MXRA7: variants seen among roughly 807,000 people sequenced by gnomAD.
MXRA7 encodes the protein matrix-remodeling-associated protein 7.
MXRA7 carries 18 observed loss-of-function variants against 17.4 expected under a neutral mutation model. That is an observed-to-expected ratio of 1.03 (90% confidence interval 0.71 to 1.53). MXRA7 has a LOEUF of 1.53. MXRA7 is among the 40% of genes most tolerant of loss of function. The pLI is 0.00. For missense variants in MXRA7, 141 were observed against 209.3 expected, an observed-to-expected ratio of 0.67 and a Z score of 2.01; for synonymous variants, 70 against 101.7, an observed-to-expected ratio of 0.69 and a Z score of 1.87.
At chr17:76,692,801 T>G (rs898118558) in intron 1 of MXRA7, among the ~76,000 whole-genome samples, 1 of 152,170 alleles carries the variant, frequency 6.6e-6, no homozygotes, top group African/African-American at 2.4e-5. Flanking sequence ...CCCCCTCTAG[T>G]GCTATACATG....
chr17:76,690,414 A>C (rs1388563369), intron 1 of MXRA7, among the ~76,000 whole-genome samples: 4 of 151,974 alleles, frequency 2.6e-5, no homozygotes, highest in African/African-American at 9.7e-5. Context: ...CTAAAAAAGA[A>C]AAAAAAAGTA....
At chr17:76,708,338 C>T (rs2076684206) in intron 1 of MXRA7, among the ~76,000 whole-genome samples, 1 of 152,180 alleles carries the variant, frequency 6.6e-6, no homozygotes, top group Admixed American at 6.5e-5. Context: ...ACACGCTGCT[C>T]CCCAGGGCAG....
At chr17:76,676,311 T>G (rs1260145427), downstream of MXRA7, 2 of 152,256 alleles carry the variant, frequency 1.3e-5, no homozygotes, top group African/African-American at 4.8e-5. Flanking sequence ...ATAGTTCTAA[T>G]TAAATACAAT....
chr17:76,698,111 C>T (rs1375007704), intron 1 of MXRA7, among the ~76,000 whole-genome samples: 1 of 152,186 alleles, frequency 6.6e-6, no homozygotes, highest in Admixed American at 6.5e-5. Context: ...ATCCCACTGG[C>T]TAATCCAGAA....
downstream of MXRA7, among the ~76,000 whole-genome samples, chr17:76,678,676 C>T (rs1436183598): frequency 3.3e-5 from 5 of 152,178 alleles, no homozygotes; most frequent in East Asian, 1.9e-4. Flanking sequence ...GCAGCTGGGT[C>T]GGCTGTAAGC....
rs921957894 is a variant in MXRA7, at chr17:76,681,908, C to T, written c.501-1029G>A. 2.3e-4 allele frequency among the ~76,000 whole-genome samples: 35 copies of T among 152,222 alleles called. No individual in the cohort carries two copies. The highest frequency in any genetic ancestry group is 1.5e-4 in the Non-Finnish European group (10 of 68,040). On this transcript the variant is annotated intron_variant, in intron 3 of 3. Transcript: ENST00000449428. This position sits in a 1 kb window ranked among gnomAD's most constrained non-coding sequence, Gnocchi z 4.7. ...ACTGTGAAACTGGAGGTGGCACTTCCCACAGCAGCTTCAGCGGAACCCAGG... is the reference window on the plus strand; with the variant it reads ...ACTGTGAAACTGGAGGTGGCACTTCTCACAGCAGCTTCAGCGGAACCCAGG...
rs564661133 is a variant in MXRA7 at position 76,688,329 on chromosome 17, G to C, written c.343-153C>G. On this transcript the variant is annotated intron_variant, in intron 1 of 3. Coordinates refer to ENST00000449428, the MANE Select transcript of MXRA7 (RefSeq NM_198530.4). ...CCTGCCCTGTGGTCATGGTCAACCA[G>C]CAGGTGGGGGCTGTGTACAAACGAT... 16 of 1,458,356 alleles carry C rather than the reference G, an allele frequency of 1.1e-5. No homozygotes were observed. The African/African-American group carries it at 2.1e-4, about 19-fold the overall frequency. 90.3% of individuals were successfully genotyped at this position (1,458,356 alleles called of 1,614,324 possible).
intron 1 of MXRA7, chr17:76,688,781 G>A: frequency 1.2e-6 from 1 of 813,680 alleles, no homozygotes; most frequent in Non-Finnish European, 1.7e-6. Flanking sequence ...AGGAATGTCA[G>A]AGGATGAGAG....
In MXRA7 at chr17:76,685,097, T is replaced by C. The variant is rs1567978725; in HGVS notation, c.475A>G (p.Lys159Glu). 1.9e-6 allele frequency: 3 copies of C among 1,613,940 alleles called. No homozygotes were observed. The highest frequency in any genetic ancestry group is 1.3e-5 in the African/African-American group (1 of 74,916). Reference protein sequence around the residue: ...RGNQYKKMMTKEELEEEQRTE... With the variant: ...RGNQYKKMMTEEELEEEQRTE... ...CTCTGCTCCTCCTCCAGCTCCTCTT[T>C]GGTCATCATCTTCTTGTACTGGTTT... Residue 159 changes from lysine (K) to glutamate (E), a missense_variant, in exon 3 of 4, where the codon AAA becomes GAA. By Grantham distance (56) the Lys-to-Glu change is moderately conservative (BLOSUM62 1). Transcript: ENST00000449428.
At chr17:76,704,974 C>A (rs770821723) in intron 1 of MXRA7, among the ~76,000 whole-genome samples, 8 of 152,124 alleles carry the variant, frequency 5.3e-5, no homozygotes, top group African/African-American at 1.7e-4. Context: ...CTCTGGAAGA[C>A]GGTTTACCAG....
In MXRA7 at chr17:76,681,724, A is replaced by C. The variant is rs560444726; in HGVS notation, c.501-845T>G. 6.6e-6 allele frequency among the ~76,000 whole-genome samples: 1 copy of C among 152,344 alleles called. No individual in the cohort carries two copies. The highest frequency in any genetic ancestry group is 1.5e-5 in the Non-Finnish European group (1 of 68,034). On this transcript the variant is annotated intron_variant, in intron 3 of 3. Transcript: ENST00000449428. The surrounding 1 kb of genome is among the most constrained non-coding windows in gnomAD (Gnocchi z 4.7). ...TTCCCTCTGAGACCACAAGGTGGGA[A>C]GAAGTGATGGAGAGGAGCTGACAGC...
Position 76,692,251 on chromosome 17 carries a change from G to T in MXRA7, c.343-4075C>A, listed in dbSNP as rs1168887878. 2.0e-5 allele frequency among the ~76,000 whole-genome samples: 3 copies of T among 150,616 alleles called. No homozygotes were observed. The East Asian group carries it at 5.8e-4, about 29-fold the overall frequency. ...AAATTGTACTTGACTTTGGAAGTCT[G>T]ATTTTTTCTTTTTTTTTTTTTGAGA... On this transcript the variant is annotated intron_variant, in intron 1 of 3. Coordinates refer to ENST00000449428, the MANE Select transcript of MXRA7 (RefSeq NM_198530.4).
chr17:76,684,802 G>A (rs2076364002), intron 3 of MXRA7: 1 of 506,422 alleles, frequency 2.0e-6, no homozygotes, highest in Non-Finnish European at 3.6e-6. Context: ...GGGGGTGGGG[G>A]GGTGCAGTAA....
At chr17:76,673,596 C>G (rs995015127) in exon 4 of MXRA7, 1 of 152,156 alleles carries the variant, frequency 6.6e-6, no homozygotes, top group Non-Finnish European at 1.5e-5. Context: ...CTTGGGCTTT[C>G]TATCAGGCTC....
downstream of MXRA7, chr17:76,677,470 G>A (rs2076249612): frequency 4.4e-6 from 3 of 675,634 alleles, no homozygotes; most frequent in South Asian, 5.0e-5. Context: ...TAGAATGTAC[G>A]CCTGCATCTA....
intron 1 of MXRA7, among the ~76,000 whole-genome samples, chr17:76,707,680 C>G (rs1445159402): frequency 6.6e-6 from 1 of 152,110 alleles, no homozygotes; most frequent in East Asian, 1.9e-4. Context: ...AAATTTAACT[C>G]TAGTGCTATT....
At chr17:76,683,655 C>T (rs73996671) in intron 3 of MXRA7, among the ~76,000 whole-genome samples, 4,528 of 152,280 alleles carry the variant, frequency 0.03, 216 homozygotes, top group African/African-American at 0.1. Context: ...GGAACCTCTG[C>T]CCCCAGACGG....
At chr17:76,693,288 G>A (rs989768851) in intron 1 of MXRA7, among the ~76,000 whole-genome samples, 5 of 151,674 alleles carry the variant, frequency 3.3e-5, no homozygotes, top group Non-Finnish European at 7.4e-5. Flanking sequence ...GCCAACATGG[G>A]GAAATCCCGT....
At chr17:76,683,370 G>A (rs893900935) in intron 3 of MXRA7, among the ~76,000 whole-genome samples, 4 of 152,198 alleles carry the variant, frequency 2.6e-5, no homozygotes, top group African/African-American at 9.7e-5. Context: ...GATGTGGCCC[G>A]GCCGTTGTCT....
Sources: gnomAD v4.1 joint callset for allele counts (sites outside exome capture counted in the v4.1 genomes callset) on GRCh38, gnomAD v4.1.1 for gene constraint, Gnocchi (gnomAD v3.1) non-coding constraint, MANE v1.5 for transcripts, NCBI Gene and HGNC (gene_info 2026-07-23, HGNC 2026-07-21) for gene names.